The following ZNF320 variants were observed in gnomAD, a reference collection of about 807,000 sequenced individuals.
ZNF320 encodes the protein zinc finger gene 320.
Under a neutral mutation model 6.8 loss-of-function variants are expected in ZNF320, and 2 were observed. The ratio of observed to expected loss-of-function variants is 0.29; its 90% CI spans 0.12 to 0.93. The LOEUF is 0.93. ZNF320 is among the 40% of genes least tolerant of loss of function. The pLI, the probability that ZNF320 is intolerant of heterozygous loss-of-function variation, is 0.55. For synonymous variants in ZNF320, 208 were observed against 203.2 expected, an observed-to-expected ratio of 1.02 and a Z score of -0.20; for missense variants, 472 against 611.0, an observed-to-expected ratio of 0.77 and a Z score of 2.40.
At chr19:52,870,296 C>T (rs371653251) in intron 5 of ZNF320, among the ~76,000 whole-genome samples, 97 of 151,418 alleles carry the variant, frequency 6.4e-4, no homozygotes, top group African/African-American at 1.9e-3. Context: ...CTGGCTAACA[C>T]GGTGAAACCT....
At position 52,866,888 on chromosome 19, in the gene ZNF320, A is replaced by G. The variant is rs1204976280; in HGVS notation, c.224-2729T>C. On this transcript the variant is annotated intron_variant, in intron 5 of 5. Coordinates refer to the ZNF320 transcript ENST00000673631. ...AACATACAAAAAAAAAAAAAAAAAA[A>G]AAGAAAAGAAATGACTAACAGTGTC... 4.0e-5 allele frequency among the ~76,000 whole-genome samples: 6 copies of G among 150,940 alleles called. No individual in the cohort carries two copies. The South Asian group carries it at 1.0e-3, about 26-fold the overall frequency.
intron 1 of ZNF320, among the ~76,000 whole-genome samples, chr19:52,897,222 G>T (rs994108497): frequency 5.3e-5 from 8 of 152,220 alleles, no homozygotes; most frequent in Admixed American, 2.0e-4. Context: ...GGAGCCTTCG[G>T]ACAGGGGTGG....
At chr19:52,899,823 T>C (rs902890291), upstream of ZNF320, among the ~76,000 whole-genome samples, 4 of 152,238 alleles carry the variant, frequency 2.6e-5, no homozygotes, top group African/African-American at 9.6e-5. Context: ...TGACCGGTTT[T>C]ATTAGTAATA....
At chr19:52,866,767 G>A (rs887320096) in intron 5 of ZNF320, among the ~76,000 whole-genome samples, 1 of 151,500 alleles carries the variant, frequency 6.6e-6, no homozygotes, top group Non-Finnish European at 1.5e-5. Context: ...CTACTCAGTT[G>A]GCCGAGGCTA....
chr19:52,861,694 G>A (rs193147489), exon 6 of ZNF320: 2 of 241,634 alleles, frequency 8.3e-6, no homozygotes, highest in Middle Eastern at 4.6e-4. Context: ...TCAAACTCAA[G>A]TCAATGCTGA....
chr19:52,893,247 C>G (rs1162735484), intron 2 of ZNF320: 1 of 152,080 alleles, frequency 6.6e-6, no homozygotes, highest in Non-Finnish European at 1.5e-5. Context: ...ATATAGGCCC[C>G]AGGCACCTCC....
Position 52,866,122 on chromosome 19 carries a change from ATG to A in ZNF320, c.224-1965_224-1964del, listed in dbSNP as rs72175911. On this transcript the variant is annotated intron_variant, in intron 5 of 5. Coordinates refer to the ZNF320 transcript ENST00000673631. ...TGTATGATTATACATATATTTATAT[ATG>A]TATGATTATACATATATTTATATAT... Among the ~76,000 whole-genome samples the A allele has an allele frequency of 1.3e-3, 47 of 37,354 alleles. 5 individuals are homozygous for A. Among genetic ancestry groups the A allele is most frequent in the African/African-American group, 4.8e-3 (29 of 6,062 alleles). The allele number at this position is 37,354 out of a possible 152,430, so 24.5% of individuals were successfully genotyped here.
At chr19:52,866,991 C>T (rs2063587351) in intron 5 of ZNF320, among the ~76,000 whole-genome samples, 1 of 151,424 alleles carries the variant, frequency 6.6e-6, no homozygotes, top group African/African-American at 2.4e-5. Flanking sequence ...CACATATTGC[C>T]CTTAGTTATC....
intron 5 of ZNF320, chr19:52,865,340 C>A: frequency 3.2e-6 from 1 of 314,368 alleles, no homozygotes; most frequent in South Asian, 3.1e-5. Context: ...TATATATGGT[C>A]TGGAGGGACA....
At chr19:52,862,948 T>G (rs1380517134) in exon 6 of ZNF320, 2 of 206,440 alleles carry the variant, frequency 9.7e-6, no homozygotes, top group Non-Finnish European at 2.0e-5. Flanking sequence ...GCAGGGGAAT[T>G]GCTTGAACCC....
chr19:52,891,842 T>A (rs1044938959), intron 2 of ZNF320, among the ~76,000 whole-genome samples: 10 of 152,070 alleles, frequency 6.6e-5, no homozygotes, highest in African/African-American at 2.4e-4. Context: ...CTGAGATGAG[T>A]GAGAAGGTGT....
upstream of ZNF320, among the ~76,000 whole-genome samples, chr19:52,898,186 A>C (rs1276276065): frequency 6.6e-6 from 1 of 152,214 alleles, no homozygotes; most frequent in East Asian, 1.9e-4. Context: ...CAGAATAGCA[A>C]ATCCTCTCCC....
In ZNF320 at chr19:52,881,753, G is replaced by T. The variant is rs752708180; in HGVS notation, c.373C>A (p.Arg125=). 1.2e-6 allele frequency: 2 copies of T among 1,613,776 alleles called. No individual in the cohort carries two copies. The highest frequency in any genetic ancestry group is 2.7e-5 in the African/African-American group (2 of 74,894). The change falls in exon 6 of 6, where the codon CGA becomes AGA. Residue 125 remains arginine (R), a synonymous_variant. Transcript: ENST00000682928. ...TTTCCAGCATGCCTTTGATCATATC[G>T]GTCTGTACTACTAGTCAACTTTTTT... ...EIKKLTSSTD[R]YDQRHAGNKP...
rs894654724 is a variant in ZNF320, at chr19:52,876,760, G to C, written c.*3836C>G. On this transcript the variant is annotated 3_prime_UTR_variant, in exon 6 of 6. Coordinates refer to ENST00000682928, the MANE Select transcript of ZNF320 (RefSeq NM_001351774.2). ...GATCTGCCCACCTTGGCCTCCCAAA[G>C]TGCTGGGATTACAGGCATGAGCCAG... 6.6e-6 allele frequency: 1 copy of C among 151,038 alleles called. No homozygotes were observed. The highest frequency in any genetic ancestry group is 2.4e-5 in the African/African-American group (1 of 41,140). 9.4% of individuals were successfully genotyped at this position (151,038 alleles called of 1,614,324 possible).
rs372207427 is a variant in ZNF320 at position 52,894,427 on chromosome 19, C to CTATCTTTTA, written c.-269-580_-269-572dup. Among the ~76,000 whole-genome samples, 443 of 150,870 alleles carry CTATCTTTTA rather than the reference C, an allele frequency of 2.9e-3. 2 individuals are homozygous for CTATCTTTTA. The highest frequency in any genetic ancestry group is 0.01 in the African/African-American group (417 of 41,144). ...AAAACAAAGAAAGAAAATTCCAGGA[C>CTATCTTTTA]TATCTTTTATACACCTGAGCAAAAG... is the stretch of plus-strand genomic sequence containing the variant. On this transcript the variant is annotated intron_variant, in intron 1 of 5. Coordinates refer to ENST00000682928, the MANE Select transcript of ZNF320 (RefSeq NM_001351774.2).
At chr19:52,884,461 G>T (rs996443760) in intron 5 of ZNF320, among the ~76,000 whole-genome samples, 1 of 152,110 alleles carries the variant, frequency 6.6e-6, no homozygotes, top group Non-Finnish European at 1.5e-5. Flanking sequence ...GGGATTATAG[G>T]CGCAAGTCAC....
rs540367469 is a variant in ZNF320 at position 52,888,663 on chromosome 19, A to G, written c.16-410T>C. Among the ~76,000 whole-genome samples, 321 of 151,740 alleles carry G rather than the reference A, an allele frequency of 2.1e-3. 1 individual carries two copies. The highest frequency in any genetic ancestry group is 6.8e-3 in the Middle Eastern group (2 of 294). On this transcript the variant is annotated intron_variant, in intron 4 of 5. Coordinates refer to ENST00000682928, the MANE Select transcript of ZNF320 (RefSeq NM_001351774.2). ...ATAAAATACATGAAAGTAAAATTAC[A>G]CAAAGCACAAAAATCCATTTTGTAA...
downstream of ZNF320, among the ~76,000 whole-genome samples, chr19:52,859,641 C>T (rs188531597): frequency 1.0e-3 from 159 of 152,264 alleles, 1 homozygote; most frequent in Admixed American, 8.6e-3. Flanking sequence ...AGAATCAACA[C>T]ATTTTCCATT....
chr19:52,889,943 T>C lies in ZNF320; in HGVS notation c.15+298A>G, dbSNP rs533243060. ...TGACAGAGCATCCAGATGTGGCCCC[T>C]GAACAATCCCTGCTACCCAACAGCA... On this transcript the variant is annotated intron_variant, in intron 4 of 5. Transcript: ENST00000682928. 2.6e-5 allele frequency among the ~76,000 whole-genome samples: 4 copies of C among 152,308 alleles called. No individual in the cohort carries two copies. The South Asian group carries it at 8.3e-4, about 32-fold the overall frequency.
Sources: gnomAD v4.1 joint callset for allele counts (sites outside exome capture counted in the v4.1 genomes callset) on GRCh38, gnomAD v4.1.1 for gene constraint, MANE v1.5 for transcripts, NCBI Gene and HGNC (gene_info 2026-07-23, HGNC 2026-07-21) for gene names.